The following COL9A2 variants were observed in gnomAD, a reference collection of about 807,000 sequenced individuals.
COL9A2 encodes the protein collagen type IX alpha 2 chain.
Under a neutral mutation model 111.6 loss-of-function variants are expected in COL9A2, and 66 were observed. The ratio of observed to expected loss-of-function variants is 0.59; its 90% CI spans 0.48 to 0.73. COL9A2 has a LOEUF of 0.73. Ranked by LOEUF, COL9A2 falls within the 30% of genes least tolerant of loss-of-function variation. COL9A2 has a pLI of 0.00. For missense variants in COL9A2, 881 were observed against 954.1 expected (o/e 0.92, Z 1.01); for synonymous variants, 353 against 364.1 (o/e 0.97, Z 0.35).
rs1384220171 is a variant in COL9A2 at position 40,303,523 on chromosome 1, G to A, written c.1548+7C>T. ...AGAAGCACCTCCTACCCCGGGGCCC[G>A]ACTCACCTCCACGCCCTGTCTCCCG... On this transcript the variant is annotated splice_region_variant and intron_variant, in intron 28 of 31. Coordinates refer to ENST00000372748, the MANE Select transcript of COL9A2 (RefSeq NM_001852.4). The surrounding 1 kb of genome is among the most constrained non-coding windows in gnomAD (Gnocchi z 4.6). The A allele has an allele frequency of 1.9e-6, 3 of 1,612,768 alleles. No individual in the cohort carries two copies. Among genetic ancestry groups the A allele is most frequent in the Admixed American group, 1.7e-5 (1 of 59,990 alleles).
chr1:40,313,317 C>T (rs937976423), intron 4 of COL9A2, among the ~76,000 whole-genome samples: 2 of 152,108 alleles, frequency 1.3e-5, no homozygotes, highest in African/African-American at 2.4e-5. Flanking sequence ...CAGGGGCATG[C>T]GCCACCACGC....
At position 40,316,587 on chromosome 1, in the gene COL9A2, T is replaced by C; in HGVS notation, c.75+536A>G. 2.2e-6 allele frequency: 1 copy of C among 454,758 alleles called. No individual in the cohort carries two copies. The highest frequency in any genetic ancestry group is 4.4e-6 in the Non-Finnish European group (1 of 226,000). The allele number at this position is 454,758 out of a possible 1,614,324, so 28.2% of individuals were successfully genotyped here. On this transcript the variant is annotated intron_variant, in intron 1 of 31. Transcript: ENST00000372748. The surrounding 1 kb of genome is among the most constrained non-coding windows in gnomAD (Gnocchi z 5.5). ...CTCCCCAGGCCGCGAAGTGCCAGGCTGGCGCCCCGCAGGCGAGCTCGAAAC... is the reference window on the plus strand; with the variant it reads ...CTCCCCAGGCCGCGAAGTGCCAGGCCGGCGCCCCGCAGGCGAGCTCGAAAC...
chr1:40,311,005 G>A lies in COL9A2; in HGVS notation c.630+88C>T, dbSNP rs975050866. On this transcript the variant is annotated intron_variant, in intron 12 of 31. Transcript: ENST00000372748. The surrounding 1 kb of genome is among the most constrained non-coding windows in gnomAD (Gnocchi z 5.1). ...AGGCTCTGTCCCCAGAACCCACAGG[G>A]GAAGGGGAAGGGACGAAGAAGGGGA... 15 of 1,542,124 alleles carry A rather than the reference G, an allele frequency of 9.7e-6. No individual in the cohort carries two copies. The highest frequency in any genetic ancestry group is 1.3e-5 in the Non-Finnish European group (15 of 1,114,918).
chr1:40,311,581 ACCCTT>A lies in COL9A2; in HGVS notation c.472-39_472-35del. The A allele has an allele frequency of 6.2e-7, 1 of 1,610,970 alleles. No homozygotes were observed. The highest frequency in any genetic ancestry group is 8.5e-7 in the Non-Finnish European group (1 of 1,179,102). On this transcript the variant is annotated intron_variant, in intron 9 of 31. Transcript: ENST00000372748. This position sits in a 1 kb window ranked among gnomAD's most constrained non-coding sequence, Gnocchi z 5.1. ...AGACATGAAGATGGAGCTTGGCCTGACCCTTTCCCGCCGCAGGCTTGCTCAAAGAC... is the reference window on the plus strand; with the variant it reads ...AGACATGAAGATGGAGCTTGGCCTGATCCCGCCGCAGGCTTGCTCAAAGAC...
rs1456551213 is a variant in COL9A2 at position 40,304,064 on chromosome 1, C to G, written c.1323G>C (p.Val441=). Residue 441 remains valine, a splice_region_variant and synonymous_variant, in exon 25 of 32, where the codon GTG becomes GTC. Coordinates refer to ENST00000372748, the MANE Select transcript of COL9A2 (RefSeq NM_001852.4). ...TGGGAACAGGGGTGCTGGAACTCAC[C>G]ACTTTGCCGCGGGGCCCGGTCTTCC... The part of the protein sequence containing the change: ...SPGKTGPRGK[V]GDPGVAGLPG... 6.3e-7 allele frequency: 1 copy of G among 1,578,564 alleles called. No homozygotes were observed.
chr1:40,303,864 A>G lies in COL9A2; in HGVS notation c.1369-25T>C. Reference sequence around the variant, plus strand: ...CCTGCAGGCACAAGGAGCAGCGGTCACGAAGCCGCGGGGACCCCGGGGCCA... The same window carrying G: ...CCTGCAGGCACAAGGAGCAGCGGTCGCGAAGCCGCGGGGACCCCGGGGCCA... On this transcript the variant is annotated intron_variant, in intron 26 of 31. Transcript: ENST00000372748. The surrounding 1 kb of genome is among the most constrained non-coding windows in gnomAD (Gnocchi z 4.6). 3.2e-6 allele frequency: 5 copies of G among 1,551,332 alleles called. No homozygotes were observed. The highest frequency in any genetic ancestry group is 4.4e-6 in the Non-Finnish European group (5 of 1,147,818).
chr1:40,311,742 A>C lies in COL9A2; in HGVS notation c.418-27T>G. On this transcript the variant is annotated intron_variant, in intron 8 of 31. Transcript: ENST00000372748. The surrounding 1 kb of genome is among the most constrained non-coding windows in gnomAD (Gnocchi z 5.1). Reference sequence around the variant, plus strand: ...TGGAAGCAAAAGAAGCCCAAATCATACCCCTGACCAGCCCTTACCAGCTTA... The same window carrying C: ...TGGAAGCAAAAGAAGCCCAAATCATCCCCCTGACCAGCCCTTACCAGCTTA... 10 of 1,611,890 alleles carry C rather than the reference A, an allele frequency of 6.2e-6. No homozygotes were observed. The highest frequency in any genetic ancestry group is 1.3e-5 in the African/African-American group (1 of 74,752).
Position 40,312,836 on chromosome 1 carries a change from C to A in COL9A2, c.250-52G>T, listed in dbSNP as rs1049267635. The A allele has an allele frequency of 3.2e-5, 48 of 1,508,464 alleles. No homozygotes were observed. The Admixed American group carries it at 8.6e-4, about 27-fold the overall frequency. 93.4% of individuals were successfully genotyped at this position (1,508,464 alleles called of 1,614,324 possible). On this transcript the variant is annotated intron_variant, in intron 4 of 31. Coordinates refer to ENST00000372748, the MANE Select transcript of COL9A2 (RefSeq NM_001852.4). The surrounding 1 kb of genome is among the most constrained non-coding windows in gnomAD (Gnocchi z 6.0). Reference sequence around the variant, plus strand: ...AATGAGGGCCAACCTGCTCCCTGACCCACAGAGCAGGGCAGGTTCAAGGGT... The same window carrying A: ...AATGAGGGCCAACCTGCTCCCTGACACACAGAGCAGGGCAGGTTCAAGGGT...
At position 40,313,853 on chromosome 1, in the gene COL9A2, C is replaced by G. The variant is rs77328804; in HGVS notation, c.249+352G>C. Among the ~76,000 whole-genome samples the G allele has an allele frequency of 3.1e-3, 479 of 152,152 alleles. 3 individuals carry two copies. In the East Asian group the frequency reaches 0.042, roughly 13 times the overall value. ...CTGTGGGTAGGGGTCAGGGGAAGAG[C>G]GGAGGAAAGGACAGGGCACACAAGG... is the stretch of plus-strand genomic sequence containing the variant. On this transcript the variant is annotated intron_variant, in intron 4 of 31. Transcript: ENST00000372748.
At position 40,307,596 on chromosome 1, in the gene COL9A2, C is replaced by T. The variant is rs1644050316; in HGVS notation, c.955-97G>A. 15 of 1,583,122 alleles carry T rather than the reference C, an allele frequency of 9.5e-6. No homozygotes were observed. The East Asian group carries it at 3.4e-4, about 36-fold the overall frequency. On this transcript the variant is annotated intron_variant, in intron 18 of 31. Coordinates refer to ENST00000372748, the MANE Select transcript of COL9A2 (RefSeq NM_001852.4). The surrounding 1 kb of genome is among the most constrained non-coding windows in gnomAD (Gnocchi z 4.8). Reference sequence around the variant, plus strand: ...AGGTAGGGAAACTGAGATCCAGAGGCAAGAAAGGGCATGTCCATGACCTGA... The same window carrying T: ...AGGTAGGGAAACTGAGATCCAGAGGTAAGAAAGGGCATGTCCATGACCTGA...
chr1:40,315,366 G>T (rs1846158), intron 2 of COL9A2: 2 of 1,381,786 alleles, frequency 1.4e-6, no homozygotes, highest in Non-Finnish European at 1.9e-6. Flanking sequence ...CTGAACAGCA[G>T]CTCCTTGTCT....
rs1170551109 is a variant in COL9A2, at chr1:40,314,156, G to A, written c.249+49C>T. 1.3e-6 allele frequency: 2 copies of A among 1,595,458 alleles called. No homozygotes were observed. Among genetic ancestry groups the A allele is most frequent in the Admixed American group, 3.3e-5 (2 of 59,990 alleles). On this transcript the variant is annotated intron_variant, in intron 4 of 31. Transcript: ENST00000372748. This position sits in a 1 kb window ranked among gnomAD's most constrained non-coding sequence, Gnocchi z 4.1. ...AAGATGCCAGAGCCAGGCCCTGGAGGTCAATTGGCAGAGCCCTACCCTGCC... is the reference window on the plus strand; with the variant it reads ...AAGATGCCAGAGCCAGGCCCTGGAGATCAATTGGCAGAGCCCTACCCTGCC...
At position 40,301,321 on chromosome 1, in the gene COL9A2, C is replaced by T; in HGVS notation, c.1931G>A (p.Gly644Glu). 6.2e-7 allele frequency: 1 copy of T among 1,611,548 alleles called. No individual in the cohort carries two copies. Among genetic ancestry groups the T allele is most frequent in the Non-Finnish European group, 8.5e-7 (1 of 1,178,316 alleles). The stretch of plus-strand genomic sequence containing the variant: ...AGGTCGACCTGCCTCTCCTGGAGCC[C>T]CTGGGGACCCTCGATCTCCATCCTT... ...NGKDGDRGSP[G>E]APGEAGRPGL... Residue 644 changes from glycine (G) to glutamate (E), a missense_variant, in exon 32 of 32, where the codon GGG becomes GAG. Gly to Glu is a moderately conservative substitution (Grantham distance 98). Transcript: ENST00000372748.
chr1:40,311,345 T>A lies in COL9A2; in HGVS notation c.520-59A>T. On this transcript the variant is annotated intron_variant, in intron 10 of 31. Transcript: ENST00000372748. This position sits in a 1 kb window ranked among gnomAD's most constrained non-coding sequence, Gnocchi z 5.1. ...CAGCTGGGCAGTGCGCCCCCATCTCTCCAAGCCCCGTGCTCTCCTCCGCCT... is the reference window on the plus strand; with the variant it reads ...CAGCTGGGCAGTGCGCCCCCATCTCACCAAGCCCCGTGCTCTCCTCCGCCT... 4 of 1,593,552 alleles carry A rather than the reference T, an allele frequency of 2.5e-6. No homozygotes were observed. The South Asian group carries it at 4.5e-5, about 18-fold the overall frequency.
chr1:40,304,747 G>C, intron 22 of COL9A2, 47 bp downstream of exon 22: 1 of 1,518,350 alleles, frequency 6.6e-7, no homozygotes, highest in Non-Finnish European at 8.9e-7. Context: ...AGCAGTGCCA[G>C]CTGCCGCAGA....
rs1350163097 is a variant in COL9A2, at chr1:40,314,485, ACTCTC to A, written c.151-103_151-99del. ...CAGGCCGCTCCCAAAGGCTCTCCTCACTCTCCTCTCTTCTGTCCAGGTCCCCTAAG... is the reference window on the plus strand; with the variant it reads ...CAGGCCGCTCCCAAAGGCTCTCCTCACTCTCTTCTGTCCAGGTCCCCTAAG... On this transcript the variant is annotated intron_variant, in intron 2 of 31. Transcript: ENST00000372748. The surrounding 1 kb of genome is among the most constrained non-coding windows in gnomAD (Gnocchi z 4.1). The A allele has an allele frequency of 1.4e-6, 2 of 1,398,614 alleles. No homozygotes were observed. Among genetic ancestry groups the A allele is most frequent in the East Asian group, 2.3e-5 (1 of 43,696 alleles). The allele number at this position is 1,398,614 out of a possible 1,614,324, so 86.6% of individuals were successfully genotyped here.
At position 40,307,376 on chromosome 1, in the gene COL9A2, G is replaced by A. The variant is rs192939458; in HGVS notation, c.1008+70C>T. On this transcript the variant is annotated intron_variant, in intron 19 of 31. Transcript: ENST00000372748. This position sits in a 1 kb window ranked among gnomAD's most constrained non-coding sequence, Gnocchi z 4.8. ...GGTGGTGATTGAGCAAGAGCCCCGG[G>A]TGTGTGTGGATTCTAACCTCATCAG... 1.4e-6 allele frequency: 2 copies of A among 1,438,918 alleles called. No homozygotes were observed. Among genetic ancestry groups the A allele is most frequent in the African/African-American group, 1.4e-5 (1 of 71,194 alleles). The allele number at this position is 1,438,918 out of a possible 1,614,324, so 89.1% of individuals were successfully genotyped here.
chr1:40,306,098 C>T, intron 20 of COL9A2, 45 bp downstream of exon 20: 1 of 1,611,558 alleles, frequency 6.2e-7, no homozygotes, highest in Non-Finnish European at 8.5e-7. Flanking sequence ...TTCCTGGCCC[C>T]AGACTTCCTT....
At chr1:40,304,205 A>G in intron 24 of COL9A2, 106 bp from the exon 25 acceptor site, 1 of 1,523,916 alleles carries the variant, frequency 6.6e-7, no homozygotes, top group South Asian at 1.2e-5. Context: ...CGCCGACCAG[A>G]CCAGAACCCT....
Sources: gnomAD v4.1 joint callset for allele counts (sites outside exome capture counted in the v4.1 genomes callset) on GRCh38, gnomAD v4.1.1 for gene constraint, Gnocchi (gnomAD v3.1) non-coding constraint, MANE v1.5 for transcripts, NCBI Gene and HGNC (gene_info 2026-07-23, HGNC 2026-07-21) for gene names.